ACTR3C: variants seen among roughly 807,000 people sequenced by gnomAD.
ACTR3C encodes actin related protein 3C, also known as actin-related protein 3C.
Under a neutral mutation model 26.3 loss-of-function variants are expected in ACTR3C, and 18 were observed. That is an observed-to-expected ratio of 0.68 (90% CI 0.47 to 1.01). The LOEUF is 1.01. Ranked by LOEUF, ACTR3C falls within the 50% of genes least tolerant of loss-of-function variation. The pLI, the probability that ACTR3C is intolerant of heterozygous loss-of-function variation, is 0.00. For missense variants in ACTR3C, 184 were observed against 250.7 expected (o/e 0.73, Z 1.80); for synonymous variants, 55 against 94.5 (o/e 0.58, Z 2.42).
At chr7:150,228,316 C>A in the ACTR3C span, among the ~76,000 whole-genome samples, 1 of 152,070 alleles carries the variant, frequency 6.6e-6, no homozygotes, top group African/African-American at 2.4e-5. Flanking sequence ...ATTTCTGGTA[C>A]ATAGAAAAAC....
the ACTR3C span, among the ~76,000 whole-genome samples, chr7:150,232,365 C>G: frequency 1.3e-5 from 2 of 152,140 alleles, no homozygotes; most frequent in South Asian, 4.1e-4. Flanking sequence ...TTTAAAATGA[C>G]TATTGATATT....
At chr7:150,137,403 C>A in the ACTR3C span, among the ~76,000 whole-genome samples, 1 of 152,198 alleles carries the variant, frequency 6.6e-6, no homozygotes, top group African/African-American at 2.4e-5. Context: ...GTGCCTGGCA[C>A]GTGGCAGGTG....
At chr7:150,134,346 G>C in the ACTR3C span, among the ~76,000 whole-genome samples, 2 of 152,146 alleles carry the variant, frequency 1.3e-5, no homozygotes, top group Admixed American at 6.5e-5. Flanking sequence ...TAAAGGGCTG[G>C]GGAGACAGCA....
chr7:150,253,856 T>C (rs532678759), intron 6 of ACTR3C, among the ~76,000 whole-genome samples: 16 of 151,960 alleles, frequency 1.1e-4, no homozygotes, highest in African/African-American at 3.9e-4. Flanking sequence ...GAAGTTACAG[T>C]ATAATGTACC....
At chr7:150,109,598 T>A in the ACTR3C span, among the ~76,000 whole-genome samples, 1 of 149,102 alleles carries the variant, frequency 6.7e-6, no homozygotes, top group South Asian at 2.1e-4. Context: ...GAGCATTTCT[T>A]CTCGGCATTT....
chr7:150,119,652 A>G, the ACTR3C span, among the ~76,000 whole-genome samples: 3 of 152,196 alleles, frequency 2.0e-5, no homozygotes, highest in Non-Finnish European at 2.9e-5. Context: ...TCAACATCCC[A>G]CTGTCAATAT....
the ACTR3C span, among the ~76,000 whole-genome samples, chr7:149,932,912 A>T: frequency 6.6e-6 from 1 of 151,240 alleles, no homozygotes; most frequent in Non-Finnish European, 1.5e-5. Context: ...GCAGAACACC[A>T]CACTTACGGG....
the ACTR3C span, among the ~76,000 whole-genome samples, chr7:149,947,061 C>A: frequency 6.6e-6 from 1 of 151,630 alleles, no homozygotes; most frequent in African/African-American, 2.4e-5. Context: ...GGGGGTACCA[C>A]GGTGGGGAGT....
chr7:150,291,316 C>A (rs958838659), intron 3 of ACTR3C, among the ~76,000 whole-genome samples: 13 of 152,182 alleles, frequency 8.5e-5, no homozygotes, highest in Non-Finnish European at 1.8e-4. Context: ...GTAATCCCAG[C>A]TACTCAGGAG....
chr7:150,101,321 G>T, the ACTR3C span, among the ~76,000 whole-genome samples: 1 of 151,684 alleles, frequency 6.6e-6, no homozygotes, highest in African/African-American at 2.4e-5. Context: ...AACAATTCTA[G>T]ATATCAGGTT....
the ACTR3C span, among the ~76,000 whole-genome samples, chr7:149,948,734 G>A: frequency 3.3e-5 from 5 of 152,050 alleles, no homozygotes; most frequent in East Asian, 5.8e-4. Flanking sequence ...CAGACTTTGC[G>A]GGCCACAGCC....
the ACTR3C span, among the ~76,000 whole-genome samples, chr7:150,023,338 CATATAT>C: frequency 4.3e-5 from 2 of 46,080 alleles, no homozygotes; most frequent in African/African-American, 7.2e-5. Context: ...TACATACATA[CATATAT>C]ATTTTAGAGA....
At chr7:150,141,956 G>C in the ACTR3C span, among the ~76,000 whole-genome samples, 225 of 152,264 alleles carry the variant, frequency 1.5e-3, 3 homozygotes, top group African/African-American at 5.2e-3. Flanking sequence ...GGCTTTCAGG[G>C]ACTGGAGCCA....
the ACTR3C span, among the ~76,000 whole-genome samples, chr7:149,946,621 G>T: frequency 6.6e-6 from 1 of 152,036 alleles, no homozygotes; most frequent in Non-Finnish European, 1.5e-5. Flanking sequence ...GCAAGTGGGG[G>T]GCCTTGCCAA....
the ACTR3C span, among the ~76,000 whole-genome samples, chr7:150,052,825 T>A: frequency 9.1e-6 from 1 of 110,394 alleles, no homozygotes; most frequent in Admixed American, 1.0e-4. Flanking sequence ...TAGTTCTTCA[T>A]CTTGCCTTTC....
the ACTR3C span, among the ~76,000 whole-genome samples, chr7:149,885,812 C>A: frequency 2.6e-5 from 4 of 152,376 alleles, no homozygotes; most frequent in South Asian, 8.3e-4. Context: ...CCTTGGCCGG[C>A]AGCAATTGAT....
chr7:150,091,679 G>A, the ACTR3C span, among the ~76,000 whole-genome samples: 3 of 123,736 alleles, frequency 2.4e-5, no homozygotes, highest in Non-Finnish European at 3.4e-5. Context: ...AAGAACTCTT[G>A]TGAGTTAGAA....
chr7:150,038,728 T>C, the ACTR3C span, among the ~76,000 whole-genome samples: 1 of 135,940 alleles, frequency 7.4e-6, no homozygotes, highest in Non-Finnish European at 1.6e-5. Flanking sequence ...GTCCTAAGGA[T>C]CTTAGGAGCA....
At chr7:150,154,862 C>T in the ACTR3C span, among the ~76,000 whole-genome samples, 2 of 152,084 alleles carry the variant, frequency 1.3e-5, no homozygotes, top group African/African-American at 2.4e-5. Flanking sequence ...AGTGAATTGC[C>T]TGGGTGAGGA....
Sources: allele counts gnomAD v4.1 joint callset (sites outside exome capture counted in the v4.1 genomes callset), GRCh38; gene constraint gnomAD v4.1.1; transcripts MANE v1.5; gene names NCBI Gene and HGNC (gene_info 2026-07-23, HGNC 2026-07-21).